Variants in TLN2 observed in about 807,000 individuals in gnomAD.
TLN2 encodes talin 2.
TLN2 carries 118 observed loss-of-function variants against 294.7 expected under a neutral mutation model. The ratio of observed to expected loss-of-function variants is 0.40; its 90% CI spans 0.34 to 0.47. The LOEUF is 0.47. TLN2 is among the 20% of genes least tolerant of loss of function. The pLI is 0.84. For synonymous variants in TLN2, 1,431 were observed against 1,304.5 expected, an observed-to-expected ratio of 1.10 and a Z score of -2.09; for missense variants, 3,083 against 3,282.2, an observed-to-expected ratio of 0.94 and a Z score of 1.48.
At chr15:62,735,693 A>T (rs192967949) in intron 28 of TLN2, among the ~76,000 whole-genome samples, 1 of 152,314 alleles carries the variant, frequency 6.6e-6, no homozygotes, top group East Asian at 1.9e-4. Context: ...AAAGCTAAAT[A>T]TATACTTACT....
intron 45 of TLN2, among the ~76,000 whole-genome samples, chr15:62,788,389 C>T (rs1377965471): frequency 6.6e-6 from 1 of 152,158 alleles, no homozygotes; most frequent in East Asian, 1.9e-4. Flanking sequence ...TGCCAGTAGA[C>T]TGTTGGTTCT....
chr15:62,469,230 A>G (rs919142333), intron 1 of TLN2, among the ~76,000 whole-genome samples: 16 of 152,224 alleles, frequency 1.1e-4, no homozygotes, highest in Admixed American at 6.5e-5. Flanking sequence ...CTCATCTAAG[A>G]CAAGTGTTAA....
intron 1 of TLN2, among the ~76,000 whole-genome samples, chr15:62,572,413 T>C (rs1437911158): frequency 6.6e-6 from 1 of 152,084 alleles, no homozygotes; most frequent in Non-Finnish European, 1.5e-5. Context: ...GCTAATTTTT[T>C]GTTTTTATTT....
intron 5 of TLN2, 63 bp from the exon 6 acceptor site, chr15:62,651,942 T>C (rs2052638569): frequency 6.8e-7 from 1 of 1,464,362 alleles, no homozygotes. Flanking sequence ...TAAAGAAAAG[T>C]GTTCAAGTTT....
chr15:62,691,542 C>T (rs1406168703), intron 12 of TLN2, among the ~76,000 whole-genome samples: 3 of 152,096 alleles, frequency 2.0e-5, no homozygotes, highest in African/African-American at 7.2e-5. Context: ...ATGATGGTTG[C>T]TTTAAAATCC....
intron 1 of TLN2, among the ~76,000 whole-genome samples, chr15:62,426,919 A>G (rs1191279930): frequency 1.3e-5 from 2 of 152,144 alleles, no homozygotes; most frequent in African/African-American, 2.4e-5. Context: ...ACCTCATGCT[A>G]CTAAATCTGC....
chr15:62,711,198 C>G (rs1567424588), intron 21 of TLN2, among the ~76,000 whole-genome samples: 1 of 152,154 alleles, frequency 6.6e-6, no homozygotes, highest in Non-Finnish European at 1.5e-5. Flanking sequence ...AGATTTGAAT[C>G]GTTCTATTTT....
chr15:62,765,244 G>C (rs1459427905), intron 40 of TLN2, among the ~76,000 whole-genome samples: 1 of 151,698 alleles, frequency 6.6e-6, no homozygotes, highest in Non-Finnish European at 1.5e-5. Context: ...TAAGTAATTA[G>C]CTAAATAAAA....
chr15:62,529,527 G>GT (rs201404535), intron 1 of TLN2, among the ~76,000 whole-genome samples: 1,693 of 136,444 alleles, frequency 0.012, 32 homozygotes, highest in African/African-American at 0.044. Context: ...TGCCTCTCTT[G>GT]TTTTTTTTAT....
chr15:62,465,104 G>GTC (rs2037043549), intron 1 of TLN2, among the ~76,000 whole-genome samples: 1 of 85,514 alleles, frequency 1.2e-5, no homozygotes, highest in Non-Finnish European at 2.1e-5. Context: ...TGGTGAGCGC[G>GTC]TTTTTTTTTT....
intron 1 of TLN2, among the ~76,000 whole-genome samples, chr15:62,416,930 T>TC: frequency 6.6e-6 from 1 of 151,968 alleles, no homozygotes; most frequent in East Asian, 1.9e-4. Context: ...GGCTCTGTTC[T>TC]CCTCCCCATT....
At chr15:62,760,303 A>G (rs998409365) in intron 37 of TLN2, among the ~76,000 whole-genome samples, 1 of 152,198 alleles carries the variant, frequency 6.6e-6, no homozygotes, top group Non-Finnish European at 1.5e-5. Flanking sequence ...CCAAGCTGCC[A>G]AGGCTTGATT....
intron 1 of TLN2, among the ~76,000 whole-genome samples, chr15:62,401,593 A>C (rs1049617711): frequency 6.6e-6 from 1 of 152,154 alleles, no homozygotes. Context: ...GGGCCTGGGC[A>C]TTGGTGGGTA....
Position 62,617,587 on chromosome 15 carries a change from C to A in TLN2, c.-161-764C>A, listed in dbSNP as rs148254532. On this transcript the variant is annotated intron_variant, in intron 2 of 58. Transcript: ENST00000636159. Reference sequence around the variant, plus strand: ...AGCTCCCTGTGTTGGTGGTCACCACCCTGATCAGAGATGCCATCTCACAAG... The same window carrying A: ...AGCTCCCTGTGTTGGTGGTCACCACACTGATCAGAGATGCCATCTCACAAG... 5.4e-4 allele frequency among the ~76,000 whole-genome samples: 83 copies of A among 152,302 alleles called. No homozygotes were observed. In the East Asian group the frequency reaches 0.014, roughly 26 times the overall value.
intron 53 of TLN2, 123 bp from the exon 54 acceptor site, chr15:62,820,363 T>G: frequency 2.3e-6 from 2 of 868,152 alleles, no homozygotes; most frequent in Non-Finnish European, 3.0e-6. Flanking sequence ...GAAGGTTCCT[T>G]AGGACAATGC....
intron 1 of TLN2, among the ~76,000 whole-genome samples, chr15:62,428,802 G>C (rs932212338): frequency 4.6e-5 from 7 of 152,200 alleles, no homozygotes; most frequent in African/African-American, 1.7e-4. Context: ...TGTGAATTCT[G>C]AGAGTGCCAC....
chr15:62,698,383 A>T (rs1242716164), intron 15 of TLN2, among the ~76,000 whole-genome samples: 1 of 152,228 alleles, frequency 6.6e-6, no homozygotes, highest in Non-Finnish European at 1.5e-5. Flanking sequence ...TTAAGTGTCT[A>T]TCAGGAAGCA....
chr15:62,655,110 C>T (rs1011216527), intron 7 of TLN2, among the ~76,000 whole-genome samples: 23 of 151,936 alleles, frequency 1.5e-4, no homozygotes, highest in African/African-American at 5.6e-4. Flanking sequence ...CAGTTATATA[C>T]TTCTTTTCAA....
chr15:62,466,615 A>G (rs2037150546), intron 1 of TLN2, among the ~76,000 whole-genome samples: 1 of 152,242 alleles, frequency 6.6e-6, no homozygotes, highest in African/African-American at 2.4e-5. Flanking sequence ...CTTTTATATT[A>G]GCATGATCCC....
Sources: gnomAD v4.1 joint callset for allele counts (sites outside exome capture counted in the v4.1 genomes callset) on GRCh38, gnomAD v4.1.1 for gene constraint, MANE v1.5 for transcripts, NCBI Gene and HGNC (gene_info 2026-07-23, HGNC 2026-07-21) for gene names.